Variants in RUNX2 observed in about 807,000 individuals in gnomAD.
The protein encoded by RUNX2 is runt-related transcription factor 2.
RUNX2 carries 10 observed loss-of-function variants against 51.7 expected under a neutral mutation model. The observed-to-expected ratio is 0.19, with a 90% CI of 0.12 to 0.33. RUNX2 has a LOEUF of 0.33. Among genes scored for constraint, RUNX2 ranks in the 10% least tolerant of loss-of-function variants. The probability of loss-of-function intolerance (pLI) is 1.00; values close to 1 mark genes in which losing one functional copy is unlikely to be tolerated. For missense variants in RUNX2, 562 were observed against 691.3 expected, an observed-to-expected ratio of 0.81 and a Z score of 2.10; for synonymous variants, 276 against 273.6, an observed-to-expected ratio of 1.01 and a Z score of -0.09.
chr6:45,427,150 A>G (rs2150365202), intron 3 of RUNX2, among the ~76,000 whole-genome samples: 1 of 152,262 alleles, frequency 6.6e-6, no homozygotes, highest in African/African-American at 2.4e-5. Context: ...CTAAGTAAGG[A>G]AGTTGGAACA....
intron 5 of RUNX2, among the ~76,000 whole-genome samples, chr6:45,448,266 TAAAG>T (rs1799059891): frequency 6.6e-6 from 1 of 152,180 alleles, no homozygotes; most frequent in Admixed American, 6.5e-5. Context: ...AAATTTATGT[TAAAG>T]AACTCCACCA....
At chr6:45,426,178 CT>C (rs1798377323) in intron 3 of RUNX2, among the ~76,000 whole-genome samples, 1 of 152,064 alleles carries the variant, frequency 6.6e-6, no homozygotes. Context: ...AACTGGTATA[CT>C]TTATATAAAG....
chr6:45,465,082 G>T (rs542901321), intron 5 of RUNX2, among the ~76,000 whole-genome samples: 2 of 152,286 alleles, frequency 1.3e-5, no homozygotes, highest in Non-Finnish European at 2.9e-5. Flanking sequence ...TCTTTCTTTT[G>T]TCTCTGCCAT....
At chr6:45,367,358 T>G (rs759625907) in intron 2 of RUNX2, among the ~76,000 whole-genome samples, 1 of 152,160 alleles carries the variant, frequency 6.6e-6, no homozygotes, top group Non-Finnish European at 1.5e-5. Flanking sequence ...TCGCTTTTTT[T>G]AAGCCTAAAT....
intron 5 of RUNX2, among the ~76,000 whole-genome samples, chr6:45,490,890 T>C (rs1237114580): frequency 6.6e-6 from 1 of 152,126 alleles, no homozygotes; most frequent in Non-Finnish European, 1.5e-5. Flanking sequence ...GAGGAAGGAA[T>C]CCCCAGTCCA....
chr6:45,469,978 A>G (rs1380553963), intron 5 of RUNX2, among the ~76,000 whole-genome samples: 1 of 152,200 alleles, frequency 6.6e-6, no homozygotes, highest in Non-Finnish European at 1.5e-5. Flanking sequence ...ATATGAAAGA[A>G]ATCAGACCCC....
Position 45,512,466 on chromosome 6 carries a change from T to C in RUNX2, c.1021+59T>C. 3 of 1,584,774 alleles carry C rather than the reference T, an allele frequency of 1.9e-6. No homozygotes were observed. The South Asian group carries it at 3.3e-5, about 18-fold the overall frequency. ...TGCACAGGGGTCGGGGGGAGTGGGATGGGCTGAGCCTGTCTCATCCATGCT... is the reference window on the plus strand; with the variant it reads ...TGCACAGGGGTCGGGGGGAGTGGGACGGGCTGAGCCTGTCTCATCCATGCT... On this transcript the variant is annotated intron_variant, in intron 7 of 8. Transcript: ENST00000647337.
rs1199502681 is a variant in RUNX2 at position 45,422,841 on chromosome 6, G to A, written c.307G>A (p.Val103Met). 1.9e-6 allele frequency: 3 copies of A among 1,610,616 alleles called. No homozygotes were observed. The highest frequency in any genetic ancestry group is 2.7e-5 in the African/African-American group (2 of 74,786). The change falls in exon 3 of 9, where the codon GTG becomes ATG. Residue 103 changes from valine (V) to methionine (M), a missense_variant. Physicochemically the swap from Val to Met is conservative, Grantham distance 21. Coordinates refer to ENST00000647337, the MANE Select transcript of RUNX2 (RefSeq NM_001024630.4). ...GCCGCCCCACGACAACCGCACCATG[G>A]TGGAGATCATCGCCGACCACCCGGC... ...LRPPHDNRTM[V>M]EIIADHPAEL...
chr6:45,373,736 A>T (rs543087481), intron 2 of RUNX2, among the ~76,000 whole-genome samples: 227 of 152,232 alleles, frequency 1.5e-3, no homozygotes, highest in Admixed American at 3.1e-3. Context: ...TAATTTTAGT[A>T]GAGACGGGGT....
At chr6:45,341,893 T>C (rs988705716) in intron 2 of RUNX2, among the ~76,000 whole-genome samples, 1 of 152,158 alleles carries the variant, frequency 6.6e-6, no homozygotes, top group Non-Finnish European at 1.5e-5. Flanking sequence ...ACTAAAAAGA[T>C]GTATGAAGAT....
chr6:45,345,941 T>C (rs756767614), intron 2 of RUNX2, among the ~76,000 whole-genome samples: 1 of 152,146 alleles, frequency 6.6e-6, no homozygotes, highest in African/African-American at 2.4e-5. Context: ...CTCTGTGTCT[T>C]TGATCATGCT....
chr6:45,333,399 A>C (rs1226053770), intron 2 of RUNX2, among the ~76,000 whole-genome samples: 2 of 151,562 alleles, frequency 1.3e-5, no homozygotes, highest in Non-Finnish European at 3.0e-5. Flanking sequence ...ATTCAGATTA[A>C]ATGCTCTTTT....
At chr6:45,546,012 G>C (rs762740284) in intron 8 of RUNX2, among the ~76,000 whole-genome samples, 58 of 152,144 alleles carry the variant, frequency 3.8e-4, no homozygotes, top group Non-Finnish European at 6.8e-4. Flanking sequence ...CCTGGGAGAC[G>C]GGTGGGGAGT....
chr6:45,507,522 T>C (rs1399837186), intron 6 of RUNX2, among the ~76,000 whole-genome samples: 3 of 152,134 alleles, frequency 2.0e-5, no homozygotes, highest in Admixed American at 1.3e-4. Context: ...AAAAAGCAAA[T>C]ATGTTGTAAT....
At chr6:45,353,373 G>A (rs1410177872) in intron 2 of RUNX2, among the ~76,000 whole-genome samples, 3 of 151,956 alleles carry the variant, frequency 2.0e-5, no homozygotes, top group African/African-American at 7.2e-5. Flanking sequence ...GGATGGACTT[G>A]AACTATAATA....
chr6:45,364,077 T>C (rs1794722057), intron 2 of RUNX2, among the ~76,000 whole-genome samples: 1 of 151,196 alleles, frequency 6.6e-6, no homozygotes, highest in African/African-American at 2.4e-5. Context: ...ATTGTGCCAC[T>C]GCACTACAGC....
intron 6 of RUNX2, among the ~76,000 whole-genome samples, chr6:45,496,079 G>C (rs538416655): frequency 1.3e-5 from 2 of 152,018 alleles, no homozygotes; most frequent in African/African-American, 4.8e-5. Flanking sequence ...TAGGTGCCAG[G>C]AAACACCTAG....
chr6:45,337,416 T>C (rs1050964807), intron 2 of RUNX2, among the ~76,000 whole-genome samples: 3 of 151,788 alleles, frequency 2.0e-5, no homozygotes, highest in African/African-American at 7.2e-5. Flanking sequence ...TTAAAATATA[T>C]AATTAAATCA....
At position 45,546,821 on chromosome 6, in the gene RUNX2, T is replaced by C. The variant is rs1472754473; in HGVS notation, c.1088-6T>C. On this transcript the variant is annotated splice_polypyrimidine_tract_variant and splice_region_variant and intron_variant, in intron 8 of 8. Coordinates refer to ENST00000647337, the MANE Select transcript of RUNX2 (RefSeq NM_001024630.4). ...TTTTCCCTCCATCTTCTGTTATAAT[T>C]TTTAGGTGCTTCAGAACTGGGCCCT... The C allele has an allele frequency of 9.3e-6, 15 of 1,608,700 alleles. No individual in the cohort carries two copies. The highest frequency in any genetic ancestry group is 1.3e-5 in the Non-Finnish European group (15 of 1,175,134).
Sources: gnomAD v4.1 joint callset for allele counts (sites outside exome capture counted in the v4.1 genomes callset) on GRCh38, gnomAD v4.1.1 for gene constraint, MANE v1.5 for transcripts, NCBI Gene and HGNC (gene_info 2026-07-23, HGNC 2026-07-21) for gene names.